NRXN1: variants seen among roughly 807,000 people sequenced by gnomAD.
NRXN1 encodes the protein neurexin 1.
NRXN1 carries 39 observed loss-of-function variants against 150.9 expected under a neutral mutation model. The ratio of observed to expected loss-of-function variants is 0.26; its 90% CI spans 0.20 to 0.34. NRXN1 has a LOEUF of 0.34. Ranked by LOEUF, NRXN1 falls within the 10% of genes least tolerant of loss-of-function variation. The pLI, the probability that NRXN1 is intolerant of heterozygous loss-of-function variation, is 1.00. For missense variants in NRXN1, 1,815 were observed against 1,949.9 expected (o/e 0.93, Z 1.30); for synonymous variants, 924 against 757.0 (o/e 1.22, Z -3.62).
At chr2:50,251,244 A>G (rs1040757688) in intron 17 of NRXN1, among the ~76,000 whole-genome samples, 4 of 151,740 alleles carry the variant, frequency 2.6e-5, no homozygotes, top group African/African-American at 7.3e-5. Context: ...ATGTGTTCTC[A>G]TTGTTCAGCT....
rs149128420 is a variant in NRXN1 at position 50,097,694 on chromosome 2, C to T, written c.3547-6200G>A. ...CACTCTTATTGCCCAGGCTGGAGTG[C>T]AATGGCACGATCTCAGCTCTCTGCA... is the stretch of plus-strand genomic sequence containing the variant. On this transcript the variant is annotated intron_variant, in intron 18 of 22. Coordinates refer to ENST00000401669, the MANE Select transcript of NRXN1 (RefSeq NM_001330078.2). Among the ~76,000 whole-genome samples, 94 of 151,748 alleles carry T rather than the reference C, an allele frequency of 6.2e-4. 2 individuals carry two copies. In the East Asian group the frequency reaches 0.016, roughly 26 times the overall value.
At chr2:50,318,694 T>A (rs1352469654) in intron 17 of NRXN1, among the ~76,000 whole-genome samples, 1 of 152,142 alleles carries the variant, frequency 6.6e-6, no homozygotes, top group Non-Finnish European at 1.5e-5. Flanking sequence ...TCCATTTATA[T>A]AAAATTCAAA....
Position 50,347,504 on chromosome 2 carries a change from AG to A in NRXN1, c.3365-110535del. 9.5e-6 allele frequency: 10 copies of A among 1,053,998 alleles called. No homozygotes were observed. Among genetic ancestry groups the A allele is most frequent in the Non-Finnish European group, 1.1e-5 (10 of 870,444 alleles). 65.3% of individuals were successfully genotyped at this position (1,053,998 alleles called of 1,614,324 possible). ...ATCCAGGCGCCCCTTCCCTCCATTC[AG>A]CCCCGGCCGGCTCGCCCGCTAGCGC... On this transcript the variant is annotated intron_variant, in intron 17 of 22. Transcript: ENST00000401669. This position sits in a 1 kb window ranked among gnomAD's most constrained non-coding sequence, Gnocchi z 4.9.
In NRXN1 at chr2:49,920,169, A is replaced by T. The variant is rs1667945055; in HGVS notation, c.*1775T>A. ...ATACTTTTCCACTACTTAATGTGTT[A>T]AACTAAAACTATATTTAATGATATA... On this transcript the variant is annotated 3_prime_UTR_variant, in exon 23 of 23. Transcript: ENST00000401669. The T allele has an allele frequency of 1.3e-5, 2 of 152,192 alleles. No individual in the cohort carries two copies. The highest frequency in any genetic ancestry group is 1.3e-4 in the Admixed American group (2 of 15,270). The allele number at this position is 152,192 out of a possible 1,614,324, so 9.4% of individuals were successfully genotyped here.
chr2:50,948,691 C>T (rs1038387233), intron 2 of NRXN1, among the ~76,000 whole-genome samples: 4 of 152,012 alleles, frequency 2.6e-5, no homozygotes, highest in Non-Finnish European at 2.9e-5. Flanking sequence ...ACTTTGGAAC[C>T]TCAGAGTAGC....
chr2:50,550,664 C>T (rs1488285274), intron 9 of NRXN1, among the ~76,000 whole-genome samples: 2 of 150,296 alleles, frequency 1.3e-5, no homozygotes, highest in Admixed American at 6.6e-5. Context: ...CTCTTCTCAG[C>T]TTATTTTTAT....
At chr2:50,104,492 T>A (rs1488517860) in intron 18 of NRXN1, among the ~76,000 whole-genome samples, 2 of 152,000 alleles carry the variant, frequency 1.3e-5, no homozygotes, top group Admixed American at 1.3e-4. Flanking sequence ...GTAATACCAG[T>A]GTCAGAGCTC....
intron 2 of NRXN1, chr2:51,009,324 T>C (rs1434903170): frequency 1.3e-5 from 2 of 151,948 alleles, no homozygotes; most frequent in African/African-American, 2.4e-5. Context: ...GGGTTAGATA[T>C]GAAAAATTTT....
At chr2:50,643,511 T>C (rs928958103) in intron 5 of NRXN1, among the ~76,000 whole-genome samples, 2 of 151,936 alleles carry the variant, frequency 1.3e-5, no homozygotes, top group South Asian at 4.1e-4. Flanking sequence ...CTCCAAAATT[T>C]ATAAAGACTT....
chr2:50,060,167 A>T (rs899654731), intron 19 of NRXN1, among the ~76,000 whole-genome samples: 4 of 152,224 alleles, frequency 2.6e-5, no homozygotes, highest in African/African-American at 7.2e-5. Context: ...GCAAAGCCAC[A>T]GAGGCAGAGC....
rs79800271 is a variant in NRXN1 at position 50,222,001 on chromosome 2, G to A, written c.3546+14788C>T. 5.8e-3 allele frequency among the ~76,000 whole-genome samples: 881 copies of A among 152,084 alleles called. 22 individuals are homozygous for A. The highest frequency in any genetic ancestry group is 0.038 in the East Asian group (193 of 5,142). ...GCCTGTCACGTTCCATGGTGTTCAC[G>A]AGTCCTGGGGACTGCAGGATTGAAA... On this transcript the variant is annotated intron_variant, in intron 18 of 22. Coordinates refer to ENST00000401669, the MANE Select transcript of NRXN1 (RefSeq NM_001330078.2).
intron 18 of NRXN1, among the ~76,000 whole-genome samples, chr2:50,114,819 T>C (rs1702818017): frequency 6.6e-6 from 1 of 151,912 alleles, no homozygotes; most frequent in Non-Finnish European, 1.5e-5. Flanking sequence ...GGATAAACTA[T>C]AGAGACATAA....
At chr2:50,495,754 G>A in intron 15 of NRXN1, 151 bp downstream of exon 15, 1 of 544,482 alleles carries the variant, frequency 1.8e-6, no homozygotes, top group African/African-American at 1.9e-5. Context: ...GGGAGCAGAG[G>A]CTTGTGTGTT....
At chr2:50,859,676 G>A (rs907180769) in intron 5 of NRXN1, among the ~76,000 whole-genome samples, 16 of 151,792 alleles carry the variant, frequency 1.1e-4, no homozygotes, top group Non-Finnish European at 1.8e-4. Context: ...GGGTTTGCCA[G>A]TATAATGACT....
In NRXN1 at chr2:50,909,110, T is replaced by C. The variant is rs150673657; in HGVS notation, c.832+12759A>G. On this transcript the variant is annotated intron_variant, in intron 5 of 22. Transcript: ENST00000401669. ...CATAATGTTTTTAACTCTAGAGAAA[T>C]TGAAAACAGAGCACAGCACATCGGA... is the stretch of plus-strand genomic sequence containing the variant. Among the ~76,000 whole-genome samples, 4 of 152,160 alleles carry C rather than the reference T, an allele frequency of 2.6e-5. No homozygotes were observed. The East Asian group carries it at 5.8e-4, about 22-fold the overall frequency.
At chr2:50,461,548 T>G (rs2088215533) in intron 17 of NRXN1, among the ~76,000 whole-genome samples, 1 of 152,016 alleles carries the variant, frequency 6.6e-6, no homozygotes, top group Non-Finnish European at 1.5e-5. Flanking sequence ...AGGATTATTG[T>G]GTAGCACACT....
intron 12 of NRXN1, chr2:50,506,845 T>C (rs1454283927): frequency 5.8e-6 from 3 of 519,216 alleles, no homozygotes; most frequent in Non-Finnish European, 6.9e-6. Context: ...ATGACAACTT[T>C]TACAAACATT....
At chr2:50,057,285 C>A (rs1693802556) in intron 19 of NRXN1, among the ~76,000 whole-genome samples, 1 of 152,120 alleles carries the variant, frequency 6.6e-6, no homozygotes, top group African/African-American at 2.4e-5. Flanking sequence ...CAAATCTTTT[C>A]TTTCTTCTCT....
chr2:50,766,826 T>C (rs1254424624), intron 5 of NRXN1, among the ~76,000 whole-genome samples: 1 of 151,992 alleles, frequency 6.6e-6, no homozygotes, highest in African/African-American at 2.4e-5. Context: ...AGTTCAGCAT[T>C]ACAAAAACAG....
Sources: gnomAD v4.1 joint callset for allele counts (sites outside exome capture counted in the v4.1 genomes callset) on GRCh38, gnomAD v4.1.1 for gene constraint, Gnocchi (gnomAD v3.1) non-coding constraint, MANE v1.5 for transcripts, NCBI Gene and HGNC (gene_info 2026-07-23, HGNC 2026-07-21) for gene names.